SLC5A10: variants seen among roughly 807,000 people sequenced by gnomAD.
SLC5A10 encodes solute carrier family 5 member 10, also known as sodium/mannose cotransporter SLC5A10.
Under a neutral mutation model 68.9 loss-of-function variants are expected in SLC5A10, and 55 were observed. The ratio of observed to expected loss-of-function variants is 0.80; its 90% CI spans 0.64 to 1.00. SLC5A10 has a LOEUF of 1.00. SLC5A10 is among the 50% of genes least tolerant of loss of function. SLC5A10 has a pLI of 0.00. For synonymous variants in SLC5A10, 344 were observed against 344.8 expected, an observed-to-expected ratio of 1.00 and a Z score of 0.02; for missense variants, 732 against 819.3, an observed-to-expected ratio of 0.89 and a Z score of 1.30.
chr17:18,961,928 C>T (rs1298212005), intron 5 of SLC5A10, among the ~76,000 whole-genome samples: 1 of 152,228 alleles, frequency 6.6e-6, no homozygotes, highest in Non-Finnish European at 1.5e-5. Flanking sequence ...CAGCAAACCC[C>T]GTACCGCAGT....
intron 9 of SLC5A10, among the ~76,000 whole-genome samples, chr17:18,984,628 G>A (rs935510318): frequency 3.9e-5 from 6 of 152,228 alleles, no homozygotes; most frequent in East Asian, 1.9e-4. Context: ...TTGGCTGCAC[G>A]AAGTCAACTG....
In SLC5A10 at chr17:19,001,225, G is replaced by A. The variant is rs186681578; in HGVS notation, c.983-12185G>A. On this transcript the variant is annotated intron_variant, in intron 9 of 14. Coordinates refer to ENST00000395645, the MANE Select transcript of SLC5A10 (RefSeq NM_001042450.4). The stretch of plus-strand genomic sequence containing the variant: ...AGCCTGGGCCACAGGTCCCAGGACA[G>A]ATGTGGCAGGGAAGGAAGTGCCCAG... 2.3e-3 allele frequency among the ~76,000 whole-genome samples: 351 copies of A among 152,366 alleles called. 2 individuals are homozygous for A. Among genetic ancestry groups the A allele is most frequent in the Middle Eastern group, 0.014 (4 of 294 alleles).
chr17:18,982,127 G>T (rs1345215323), intron 9 of SLC5A10, among the ~76,000 whole-genome samples: 1 of 152,246 alleles, frequency 6.6e-6, no homozygotes, highest in African/African-American at 2.4e-5. Flanking sequence ...CAGCCTCCGT[G>T]TGAGCCGCAG....
Position 18,971,313 on chromosome 17 carries a change from C to G in SLC5A10, c.846+95C>G, listed in dbSNP as rs371943662. ...CCTGTCTGCCCTCCGCGTCATGAGTCTGGGCTGGGGCCTCAGAAGGTGTGG... is the reference window on the plus strand; with the variant it reads ...CCTGTCTGCCCTCCGCGTCATGAGTGTGGGCTGGGGCCTCAGAAGGTGTGG... On this transcript the variant is annotated intron_variant, in intron 8 of 14. Transcript: ENST00000395645. The surrounding 1 kb of genome is among the most constrained non-coding windows in gnomAD (Gnocchi z 5.5). 2 of 1,607,606 alleles carry G rather than the reference C, an allele frequency of 1.2e-6. No individual in the cohort carries two copies. Among genetic ancestry groups the G allele is most frequent in the African/African-American group, 1.3e-5 (1 of 74,802 alleles).
At position 18,952,283 on chromosome 17, in the gene SLC5A10, G is replaced by A; in HGVS notation, c.78G>A (p.Val26=). The change falls in exon 1 of 15, where the codon GTG becomes GTA. Residue 26 remains valine (V), a synonymous_variant. Coordinates refer to ENST00000395645, the MANE Select transcript of SLC5A10 (RefSeq NM_001042450.4). ...TGGCTGACATCATCGTCATCACTGT[G>A]TATTTTGCTCTGAATGTGGCCGTGG... ...LSVADIIVIT[V]YFALNVAVGI... is the part of the protein sequence containing the mutation. 1 of 1,613,886 alleles carries A rather than the reference G, an allele frequency of 6.2e-7. No homozygotes were observed. Among genetic ancestry groups the A allele is most frequent in the Non-Finnish European group, 8.5e-7 (1 of 1,179,910 alleles).
At position 19,015,169 on chromosome 17, in the gene SLC5A10, C is replaced by CCGG; in HGVS notation, c.1214_1216dup (p.Gly405dup). 1 of 1,367,856 alleles carries CCGG rather than the reference C, an allele frequency of 7.3e-7. No individual in the cohort carries two copies. Among genetic ancestry groups the CCGG allele is most frequent in the Non-Finnish European group, 9.9e-7 (1 of 1,006,556 alleles). The allele number at this position is 1,367,856 out of a possible 1,614,324, so 84.7% of individuals were successfully genotyped here. On this transcript the variant is annotated inframe_insertion, in exon 11 of 15. Transcript: ENST00000395645. ...ATCTGGAGGCGGCTGCGTCCCCGCT[C>CCGG]CGGCGAGCGGGAGCTCCTGCTGGTG...
chr17:18,979,530 C>T, intron 9 of SLC5A10: 2 of 1,611,948 alleles, frequency 1.2e-6, no homozygotes, highest in Non-Finnish European at 1.7e-6. Context: ...CACAACTTCC[C>T]TGAAAGCTGG....
intron 9 of SLC5A10, among the ~76,000 whole-genome samples, chr17:18,987,797 A>G: frequency 6.6e-6 from 1 of 152,190 alleles, no homozygotes. Flanking sequence ...AGAATCTAAA[A>G]CCAGTAAATG....
chr17:18,986,485 G>A (rs149945235), intron 9 of SLC5A10, among the ~76,000 whole-genome samples: 7 of 152,266 alleles, frequency 4.6e-5, no homozygotes, highest in East Asian at 3.9e-4. Context: ...GGCCTCCCTC[G>A]GATCTCAGTT....
In SLC5A10 at chr17:18,971,374, G is replaced by A; in HGVS notation, c.846+156G>A. On this transcript the variant is annotated intron_variant, in intron 8 of 14. Transcript: ENST00000395645. The surrounding 1 kb of genome is among the most constrained non-coding windows in gnomAD (Gnocchi z 5.5). ...GGACATGCTGCTAGGGGTCTTTGCG[G>A]TCCCGGGGGGCTTGAGCCCTCCGTT... 6.2e-7 allele frequency: 1 copy of A among 1,613,012 alleles called. No individual in the cohort carries two copies.
intron 1 of SLC5A10, among the ~76,000 whole-genome samples, chr17:18,954,576 G>T: frequency 6.6e-6 from 1 of 152,360 alleles, no homozygotes; most frequent in Non-Finnish European, 1.5e-5. Flanking sequence ...ATCCCACAGG[G>T]AGAAGCAGAC....
At chr17:18,977,546 G>T in intron 9 of SLC5A10, 1 of 1,575,770 alleles carries the variant, frequency 6.3e-7, no homozygotes, top group South Asian at 1.2e-5. Flanking sequence ...TGGCAGGGAG[G>T]GACTCGTGAC....
chr17:18,958,327 T>G (rs952010373), intron 1 of SLC5A10, among the ~76,000 whole-genome samples: 1 of 152,252 alleles, frequency 6.6e-6, no homozygotes, highest in Non-Finnish European at 1.5e-5. Context: ...CCCAATGTGC[T>G]GGGATTACAG....
intron 9 of SLC5A10, among the ~76,000 whole-genome samples, chr17:19,006,905 A>G (rs2043903980): frequency 6.6e-6 from 1 of 152,222 alleles, no homozygotes. Flanking sequence ...TGGTATGGAT[A>G]TACCACAGTT....
Position 18,952,306 on chromosome 17 carries a change from T to TG in SLC5A10, c.104dup (p.Ile36HisfsTer9), listed in dbSNP as rs747458050. On this transcript the variant is annotated frameshift_variant, in exon 1 of 15. Coordinates refer to ENST00000395645, the MANE Select transcript of SLC5A10 (RefSeq NM_001042450.4). LOFTEE classifies it high-confidence loss of function. ...GTGTATTTTGCTCTGAATGTGGCCG[T>TG]GGGCATATGGGTAAGGGGACCTGTG... The TG allele has an allele frequency of 8.1e-6, 13 of 1,612,414 alleles. No homozygotes were observed. The South Asian group carries it at 1.4e-4, about 18-fold the overall frequency.
At chr17:18,958,783 C>T (rs2042556533) in intron 2 of SLC5A10, 30 bp downstream of exon 2, 1 of 1,612,084 alleles carries the variant, frequency 6.2e-7, no homozygotes, top group African/African-American at 1.3e-5. Context: ...TCACACACCC[C>T]CACTTTGTCC....
chr17:18,977,851 G>T (rs896136965), intron 9 of SLC5A10: 3 of 1,611,026 alleles, frequency 1.9e-6, no homozygotes, highest in Non-Finnish European at 8.5e-7. Context: ...GCCGTCGGGG[G>T]CCAGGGCCAC....
chr17:19,016,156 G>A (rs755273753), intron 11 of SLC5A10, among the ~76,000 whole-genome samples: 5 of 151,608 alleles, frequency 3.3e-5, no homozygotes, highest in African/African-American at 7.3e-5. Context: ...AGAGATTCTC[G>A]TGTCTCAGCC....
At position 19,000,686 on chromosome 17, in the gene SLC5A10, C is replaced by T. The variant is rs75153699; in HGVS notation, c.983-12724C>T. ...CCCCCGGTGGGAAGGGGCCAGTGTG[C>T]GGCAAGGCGGCCCAGGCAGAGGGAT... On this transcript the variant is annotated intron_variant, in intron 9 of 14. Coordinates refer to ENST00000395645, the MANE Select transcript of SLC5A10 (RefSeq NM_001042450.4). This position sits in a 1 kb window ranked among gnomAD's most constrained non-coding sequence, Gnocchi z 5.2. Among the ~76,000 whole-genome samples, 593 of 152,244 alleles carry T rather than the reference C, an allele frequency of 3.9e-3. 4 individuals are homozygous for T. Among genetic ancestry groups the T allele is most frequent in the African/African-American group, 0.013 (557 of 41,538 alleles).
Sources: gnomAD v4.1 joint callset for allele counts (sites outside exome capture counted in the v4.1 genomes callset) on GRCh38, gnomAD v4.1.1 for gene constraint, Gnocchi (gnomAD v3.1) non-coding constraint, MANE v1.5 for transcripts, NCBI Gene and HGNC (gene_info 2026-07-23, HGNC 2026-07-21) for gene names.